Variants in ZNF704 observed in about 807,000 individuals in gnomAD.
ZNF704 encodes the protein zinc finger protein 704.
A neutral mutation model predicts 44.7 loss-of-function variants in ZNF704; 10 were observed. The observed-to-expected ratio is 0.22, with a 90% confidence interval of 0.14 to 0.38. The LOEUF is 0.38. Among genes scored for constraint, ZNF704 ranks in the 10% least tolerant of loss-of-function variants. The probability of loss-of-function intolerance (pLI) is 1.00; values close to 1 mark genes in which losing one functional copy is unlikely to be tolerated. For missense variants in ZNF704, 390 were observed against 545.5 expected (o/e 0.71, Z 2.84); for synonymous variants, 211 against 207.6 (o/e 1.02, Z -0.14).
At chr8:80,720,624 G>A (rs559910049) in intron 2 of ZNF704, among the ~76,000 whole-genome samples, 1 of 152,224 alleles carries the variant, frequency 6.6e-6, no homozygotes, top group Non-Finnish European at 1.5e-5. Context: ...GCAGCAGCAA[G>A]AGCTGTCAAA....
At chr8:80,727,881 A>G (rs747973841) in intron 2 of ZNF704, among the ~76,000 whole-genome samples, 1 of 152,174 alleles carries the variant, frequency 6.6e-6, no homozygotes, top group Non-Finnish European at 1.5e-5. Flanking sequence ...CATTGCCTGC[A>G]TTAGTATCAG....
chr8:80,862,280 TACAA>T (rs914291589), intron 1 of ZNF704, among the ~76,000 whole-genome samples: 1 of 152,034 alleles, frequency 6.6e-6, no homozygotes, highest in African/African-American at 2.4e-5. Flanking sequence ...AGGCATAGTT[TACAA>T]ACAATGAAAA....
chr8:80,750,053 C>T (rs1806914811), intron 2 of ZNF704, among the ~76,000 whole-genome samples: 2 of 152,050 alleles, frequency 1.3e-5, no homozygotes, highest in Non-Finnish European at 2.9e-5. Flanking sequence ...GTTAACTATC[C>T]CTTAGGCTAA....
intron 7 of ZNF704, among the ~76,000 whole-genome samples, chr8:80,644,028 C>G (rs1270043655): frequency 2.6e-5 from 4 of 152,176 alleles, no homozygotes; most frequent in African/African-American, 4.8e-5. Flanking sequence ...GGCAGAGAGT[C>G]TGAGCAAATC....
At chr8:80,873,467 G>T (rs1467174870) in intron 1 of ZNF704, 3 of 151,748 alleles carry the variant, frequency 2.0e-5, no homozygotes, top group South Asian at 2.1e-4. Context: ...TCGGCCAGGC[G>T]CCTTGCCCCG....
chr8:80,740,365 G>A (rs74396987), intron 2 of ZNF704, among the ~76,000 whole-genome samples: 14,076 of 152,092 alleles, frequency 0.093, 886 homozygotes, highest in African/African-American at 0.17. Context: ...AACAAAGAAT[G>A]CCTGTCCTGT....
intron 6 of ZNF704, among the ~76,000 whole-genome samples, chr8:80,663,552 C>T (rs370209821): frequency 9.9e-5 from 15 of 151,794 alleles, no homozygotes; most frequent in South Asian, 6.3e-4. Context: ...GAGGGGTGGT[C>T]CCAAGAATTT....
chr8:80,862,636 A>C (rs1280572759), intron 1 of ZNF704, among the ~76,000 whole-genome samples: 1 of 149,958 alleles, frequency 6.7e-6, no homozygotes, highest in East Asian at 1.9e-4. Flanking sequence ...ACGGTGGCAC[A>C]TGCCTGTAAT....
At position 80,775,799 on chromosome 8, in the gene ZNF704, G is replaced by A. The variant is rs1807401118; in HGVS notation, c.221+45575C>T. 3.3e-5 allele frequency among the ~76,000 whole-genome samples: 5 copies of A among 152,100 alleles called. No homozygotes were observed. The South Asian group carries it at 1.0e-3, about 32-fold the overall frequency. On this transcript the variant is annotated intron_variant, in intron 2 of 8. Transcript: ENST00000327835. Reference sequence around the variant, plus strand: ...GAGTGAAATGGCAAGTGATAAAAATGTGCTCCAATATAAAACACTGCCTTA... The same window carrying A: ...GAGTGAAATGGCAAGTGATAAAAATATGCTCCAATATAAAACACTGCCTTA...
intron 1 of ZNF704, among the ~76,000 whole-genome samples, chr8:80,842,488 C>G (rs1369832526): frequency 7.9e-5 from 12 of 152,052 alleles, no homozygotes; most frequent in Admixed American, 7.2e-4. Context: ...GGATCGCACA[C>G]ACAGAGAAAA....
intron 2 of ZNF704, among the ~76,000 whole-genome samples, chr8:80,808,013 T>C (rs897669424): frequency 6.6e-6 from 1 of 152,104 alleles, no homozygotes; most frequent in Non-Finnish European, 1.5e-5. Context: ...GGACAAACAG[T>C]GTGGGGAGAA....
intron 2 of ZNF704, among the ~76,000 whole-genome samples, chr8:80,711,950 T>C (rs1218174161): frequency 1.3e-5 from 2 of 152,158 alleles, no homozygotes; most frequent in East Asian, 3.9e-4. Context: ...AAGTAGTACA[T>C]TGAAGGTAAT....
intron 2 of ZNF704, among the ~76,000 whole-genome samples, chr8:80,754,487 T>C (rs562741068): frequency 3.3e-5 from 5 of 152,346 alleles, no homozygotes; most frequent in African/African-American, 1.2e-4. Flanking sequence ...CGAAATGATA[T>C]GTATGTATGC....
intron 1 of ZNF704, among the ~76,000 whole-genome samples, chr8:80,856,508 A>G (rs1273393289): frequency 6.6e-6 from 1 of 152,162 alleles, no homozygotes; most frequent in African/African-American, 2.4e-5. Flanking sequence ...TTTTACATTT[A>G]TATCTATGAT....
At chr8:80,870,711 C>T (rs190703881) in intron 1 of ZNF704, among the ~76,000 whole-genome samples, 3 of 152,226 alleles carry the variant, frequency 2.0e-5, no homozygotes, top group East Asian at 1.9e-4. Flanking sequence ...CAGAATCAGG[C>T]CCCAGGCTCT....
intron 2 of ZNF704, among the ~76,000 whole-genome samples, chr8:80,759,138 A>G (rs924214240): frequency 6.6e-6 from 1 of 152,220 alleles, no homozygotes; most frequent in African/African-American, 2.4e-5. Context: ...GAATGCAAGG[A>G]GTAGAAACAT....
intron 1 of ZNF704, among the ~76,000 whole-genome samples, chr8:80,865,430 G>A (rs1314247051): frequency 6.6e-6 from 1 of 152,210 alleles, no homozygotes; most frequent in Non-Finnish European, 1.5e-5. Context: ...GGTGGGGGCA[G>A]CTGGGAGGAT....
At chr8:80,860,730 A>G (rs183937213) in intron 1 of ZNF704, among the ~76,000 whole-genome samples, 1 of 152,324 alleles carries the variant, frequency 6.6e-6, no homozygotes, top group East Asian at 1.9e-4. Flanking sequence ...AAACGACAAG[A>G]TGCATGTACA....
intron 2 of ZNF704, among the ~76,000 whole-genome samples, chr8:80,804,083 T>G (rs1454085958): frequency 6.6e-6 from 1 of 151,902 alleles, no homozygotes; most frequent in Non-Finnish European, 1.5e-5. Context: ...AAAAAAAACC[T>G]CAACATCACT....
Sources: allele counts gnomAD v4.1 joint callset (sites outside exome capture counted in the v4.1 genomes callset), GRCh38; gene constraint gnomAD v4.1.1; transcripts MANE v1.5; gene names NCBI Gene and HGNC (gene_info 2026-07-23, HGNC 2026-07-21).